ZDHHC3: variants seen among roughly 807,000 people sequenced by gnomAD.
ZDHHC3 encodes zDHHC palmitoyltransferase 3.
In ZDHHC3, 9 loss-of-function variants were observed where a neutral mutation model predicts 30.6. The ratio of observed to expected loss-of-function variants is 0.29; its 90% CI spans 0.18 to 0.51. ZDHHC3 has a LOEUF of 0.51. ZDHHC3 is among the 20% of genes least tolerant of loss of function. The probability of loss-of-function intolerance (pLI) is 0.97; values close to 1 mark genes in which losing one functional copy is unlikely to be tolerated. For missense variants in ZDHHC3, 246 were observed against 384.2 expected (o/e 0.64, Z 3.01); for synonymous variants, 136 against 140.2 (o/e 0.97, Z 0.21).
intron 6 of ZDHHC3, among the ~76,000 whole-genome samples, chr3:44,927,545 G>A (rs965254514): frequency 6.6e-6 from 1 of 152,212 alleles, no homozygotes; most frequent in African/African-American, 2.4e-5. Flanking sequence ...AGGGTGGCAT[G>A]GCCAGGCCAG....
chr3:44,936,962 C>G (rs1173416294), intron 3 of ZDHHC3, among the ~76,000 whole-genome samples: 1 of 151,964 alleles, frequency 6.6e-6, no homozygotes, highest in African/African-American at 2.4e-5. Flanking sequence ...TAAACTCTCT[C>G]AATTTTGCCT....
At chr3:44,937,991 T>C (rs1702123663) in intron 3 of ZDHHC3, 1 of 293,736 alleles carries the variant, frequency 3.4e-6, no homozygotes, top group South Asian at 3.0e-5. Context: ...GAAATACCAC[T>C]TTTTTTTTTG....
intron 5 of ZDHHC3, 28 bp from the exon 6 acceptor site, chr3:44,929,464 G>T (rs138041054): frequency 1.2e-6 from 2 of 1,612,244 alleles, no homozygotes; most frequent in Non-Finnish European, 1.7e-6. Flanking sequence ...CACAGGGATT[G>T]GTACTGTCAC....
intron 2 of ZDHHC3, among the ~76,000 whole-genome samples, chr3:44,954,470 G>C (rs1703751316): frequency 6.6e-6 from 1 of 152,158 alleles, no homozygotes; most frequent in South Asian, 2.1e-4. Context: ...ATACGGCGTA[G>C]GTGTGCAGTA....
intron 1 of ZDHHC3, among the ~76,000 whole-genome samples, chr3:44,972,982 G>C (rs17077095): frequency 0.024 from 3,612 of 152,228 alleles, 153 homozygotes; most frequent in African/African-American, 0.08. Flanking sequence ...TCTCTCCTTA[G>C]CTACTTGGAG....
chr3:44,946,502 T>C (rs1702946098), intron 2 of ZDHHC3, among the ~76,000 whole-genome samples: 1 of 152,138 alleles, frequency 6.6e-6, no homozygotes, highest in African/African-American at 2.4e-5. Flanking sequence ...CTTCCAAGAC[T>C]TATAGTGTTT....
In ZDHHC3 at chr3:44,959,541, G is replaced by A. The variant is rs532071018; in HGVS notation, c.-24-81C>T. ...TTTGACAAAATTGCTCCCATAGTGA[G>A]TTGTGATTACTTATCTGCAACCCCT... is the stretch of plus-strand genomic sequence containing the variant. On this transcript the variant is annotated intron_variant, in intron 1 of 6. Coordinates refer to ENST00000424952, the MANE Select transcript of ZDHHC3 (RefSeq NM_001135179.2). The surrounding 1 kb of genome is among the most constrained non-coding windows in gnomAD (Gnocchi z 4.3). The A allele has an allele frequency of 7.9e-5, 101 of 1,271,396 alleles. No homozygotes were observed. In the East Asian group the frequency reaches 9.2e-4, roughly 12 times the overall value. 78.8% of individuals were successfully genotyped at this position (1,271,396 alleles called of 1,614,324 possible). A position where few individuals can be genotyped will look rare whatever the true frequency, so the allele number is the denominator to read the frequency against.
intron 3 of ZDHHC3, among the ~76,000 whole-genome samples, chr3:44,936,434 G>C (rs958774172): frequency 2.6e-5 from 4 of 152,192 alleles, no homozygotes; most frequent in African/African-American, 9.7e-5. Context: ...AACCATTGTG[G>C]AAAGCAGTGT....
chr3:44,972,760 C>T (rs969559841), intron 1 of ZDHHC3, among the ~76,000 whole-genome samples: 1 of 152,142 alleles, frequency 6.6e-6, no homozygotes, highest in Non-Finnish European at 1.5e-5. Context: ...TGGGCTCCCC[C>T]ACTATAATAA....
At chr3:44,942,683 C>T (rs927467848) in intron 3 of ZDHHC3, among the ~76,000 whole-genome samples, 2 of 152,238 alleles carry the variant, frequency 1.3e-5, no homozygotes, top group Admixed American at 6.5e-5. Context: ...CAATAGCTTA[C>T]GCTTGTTGAG....
chr3:44,948,496 G>A (rs1159828099), intron 2 of ZDHHC3, among the ~76,000 whole-genome samples: 3 of 152,172 alleles, frequency 2.0e-5, no homozygotes, highest in Non-Finnish European at 4.4e-5. Context: ...ACACCATGCC[G>A]AACACTGTGG....
At chr3:44,932,891 C>CA in intron 5 of ZDHHC3, 1 of 1,613,846 alleles carries the variant, frequency 6.2e-7, no homozygotes, top group Non-Finnish European at 8.5e-7. Flanking sequence ...TCTGTCTGTC[C>CA]AACTCATGAC....
chr3:44,939,058 C>G (rs1257553840), intron 3 of ZDHHC3, among the ~76,000 whole-genome samples: 2 of 152,174 alleles, frequency 1.3e-5, no homozygotes, highest in African/African-American at 4.8e-5. Context: ...CTGGTCTGCA[C>G]CCTTGCTCTT....
chr3:44,922,969 T>C lies in ZDHHC3; in HGVS notation c.*3720A>G. 1.0e-6 allele frequency: 1 copy of C among 985,362 alleles called. No individual in the cohort carries two copies. Among genetic ancestry groups the C allele is most frequent in the Non-Finnish European group, 1.2e-6 (1 of 829,910 alleles). 61.0% of individuals were successfully genotyped at this position (985,362 alleles called of 1,614,324 possible). ...CCTTTAAGCTGATGCACTGCAAGTC[T>C]TGAAAAGAGAGAAATTTAAAACCCA... On this transcript the variant is annotated 3_prime_UTR_variant, in exon 7 of 7. Transcript: ENST00000424952.
intron 2 of ZDHHC3, among the ~76,000 whole-genome samples, chr3:44,946,265 C>T (rs1702924008): frequency 6.6e-6 from 1 of 152,244 alleles, no homozygotes; most frequent in Non-Finnish European, 1.5e-5. Flanking sequence ...GCTCTTCCAC[C>T]TGTGGAGTAT....
At chr3:44,964,901 A>T (rs1254716770) in intron 1 of ZDHHC3, among the ~76,000 whole-genome samples, 1 of 152,202 alleles carries the variant, frequency 6.6e-6, no homozygotes. Flanking sequence ...TTCCATGTTC[A>T]AAGTAATTAT....
intron 3 of ZDHHC3, among the ~76,000 whole-genome samples, chr3:44,940,527 GCT>G (rs1702351880): frequency 6.6e-6 from 1 of 152,218 alleles, no homozygotes; most frequent in Non-Finnish European, 1.5e-5. Context: ...GACGCTGTAA[GCT>G]GGTGAGCTCC....
rs138699169 is a variant in ZDHHC3 at position 44,926,606 on chromosome 3, G to A, written c.*83C>T. On this transcript the variant is annotated 3_prime_UTR_variant, in exon 7 of 7. Transcript: ENST00000424952. The stretch of plus-strand genomic sequence containing the variant: ...TTAAGAGTAGTTGTTTTGCTTTTTC[G>A]ATTTAAACATTCATGAGAACGGATG... 7.0e-3 allele frequency: 9,255 copies of A among 1,328,302 alleles called. 37 individuals are homozygous for A. Among genetic ancestry groups the A allele is most frequent in the Non-Finnish European group, 7.4e-3 (7,619 of 1,031,694 alleles). The allele number at this position is 1,328,302 out of a possible 1,614,324, so 82.3% of individuals were successfully genotyped here. A position where few individuals can be genotyped will look rare whatever the true frequency, so the allele number is the denominator to read the frequency against.
chr3:44,955,383 A>G (rs1703843328), intron 2 of ZDHHC3, among the ~76,000 whole-genome samples: 1 of 151,800 alleles, frequency 6.6e-6, no homozygotes, highest in South Asian at 2.1e-4. Context: ...GCAATTGTTC[A>G]GATATTACAC....
Sources: allele counts gnomAD v4.1 joint callset (sites outside exome capture counted in the v4.1 genomes callset), GRCh38; gene constraint gnomAD v4.1.1; non-coding constraint Gnocchi (gnomAD v3.1); transcripts MANE v1.5; gene names NCBI Gene and HGNC (gene_info 2026-07-23, HGNC 2026-07-21).